RECQL5: variants seen among roughly 807,000 people sequenced by gnomAD.
RECQL5 encodes RecQ like helicase 5, also known as ATP-dependent DNA helicase Q5.
A neutral mutation model predicts 103.4 loss-of-function variants in RECQL5; 88 were observed. The ratio of observed to expected loss-of-function variants is 0.85; its 90% CI spans 0.72 to 1.02. RECQL5 has a LOEUF of 1.02. RECQL5 is among the 50% of genes least tolerant of loss of function. RECQL5 has a pLI of 0.00. For missense variants in RECQL5, 1,232 were observed against 1,284.3 expected (o/e 0.96, Z 0.62); for synonymous variants, 552 against 507.9 (o/e 1.09, Z -1.17).
At chr17:75,656,947 T>C (rs1327532013) in intron 7 of RECQL5, among the ~76,000 whole-genome samples, 2 of 152,134 alleles carry the variant, frequency 1.3e-5, no homozygotes, top group East Asian at 1.9e-4. Flanking sequence ...GGTTTCACCG[T>C]GTTAGTCAGG....
At chr17:75,645,406 G>C (rs1193271597) in intron 8 of RECQL5, among the ~76,000 whole-genome samples, 1 of 152,130 alleles carries the variant, frequency 6.6e-6, no homozygotes, top group Admixed American at 6.5e-5. Flanking sequence ...TGATGACCTC[G>C]GCTAAGTTAT....
At chr17:75,635,746 A>G (rs1347051848) in intron 8 of RECQL5, 1 of 978,056 alleles carries the variant, frequency 1.0e-6, no homozygotes, top group Admixed American at 6.1e-5. Flanking sequence ...AAAACCCACC[A>G]TGACGAAACA....
intron 7 of RECQL5, among the ~76,000 whole-genome samples, chr17:75,656,801 G>C (rs12103452): frequency 6.9e-6 from 1 of 144,618 alleles, no homozygotes; most frequent in African/African-American, 2.6e-5. Context: ...CTGGAGTGCA[G>C]AGGCGTGATC....
At chr17:75,628,071 C>G (rs1372200210) in intron 18 of RECQL5, 147 bp downstream of exon 18, 3 of 711,612 alleles carry the variant, frequency 4.2e-6, no homozygotes, top group Admixed American at 4.5e-5. Flanking sequence ...GGCCATGACC[C>G]AACGGCAAGG....
rs756438891 is a variant in RECQL5 at position 75,629,489 on chromosome 17, C to G, written c.1948-14G>C. 1.3e-6 allele frequency: 2 copies of G among 1,500,646 alleles called. No individual in the cohort carries two copies. The highest frequency in any genetic ancestry group is 1.8e-4 in the Middle Eastern group (1 of 5,530). 93.0% of individuals were successfully genotyped at this position (1,500,646 alleles called of 1,614,324 possible). On this transcript the variant is annotated splice_polypyrimidine_tract_variant and intron_variant, in intron 15 of 19. Coordinates refer to ENST00000317905, the MANE Select transcript of RECQL5 (RefSeq NM_004259.7). The stretch of plus-strand genomic sequence containing the variant: ...CTTGGGTTTGAGCTGTAAATGTGAG[C>G]AGGAGGAGAGGAGGTTCAGCCCACT...
Position 75,666,441 on chromosome 17 carries a change from C to T in RECQL5, c.117G>A (p.Met39Ile). Reference protein sequence around the residue: ...FKTPLQESATMAVVKGNKDVF... With the variant: ...FKTPLQESATIAVVKGNKDVF... ...TGGTAATGTTACCTTTTACTACAGC[C>T]ATGGTCGCACTCTCCTGTAAAGGCG... Residue 39 changes from methionine to isoleucine, a missense_variant, in exon 2 of 20, where the codon ATG becomes ATA. By Grantham distance (10) the Met-to-Ile change is conservative. Coordinates refer to ENST00000317905, the MANE Select transcript of RECQL5 (RefSeq NM_004259.7). 1 of 1,613,968 alleles carries T rather than the reference C, an allele frequency of 6.2e-7. No individual in the cohort carries two copies. Among genetic ancestry groups the T allele is most frequent in the Non-Finnish European group, 8.5e-7 (1 of 1,179,978 alleles).
chr17:75,649,725 A>T (rs189167993), intron 8 of RECQL5: 1 of 985,510 alleles, frequency 1.0e-6, no homozygotes, highest in East Asian at 1.1e-4. Context: ...ACATACCAGC[A>T]GCGTTTATTC....
chr17:75,658,388 A>G lies in RECQL5; in HGVS notation c.1059T>C (p.Asp353=). 1 of 1,614,058 alleles carries G rather than the reference A, an allele frequency of 6.2e-7. No homozygotes were observed. The highest frequency in any genetic ancestry group is 8.5e-7 in the Non-Finnish European group (1 of 1,179,970). Residue 353 remains aspartate (D), a synonymous_variant, in exon 7 of 20, where the codon GAT becomes GAC. Transcript: ENST00000317905. ...YYQESGRAGR[D]GKPSWCRLYY... ...AGAGACGGCACCAGGAAGGCTTCCC[A>G]TCCCTGCCAGCCCGGCCAGACTCCT...
chr17:75,660,713 G>A (rs533077691), intron 6 of RECQL5, among the ~76,000 whole-genome samples: 40 of 152,364 alleles, frequency 2.6e-4, no homozygotes, highest in African/African-American at 9.6e-4. Context: ...TAAAGGACAA[G>A]CCTGACAGAC....
intron 8 of RECQL5, chr17:75,647,674 T>C (rs1414404858): frequency 1.9e-6 from 2 of 1,056,006 alleles, no homozygotes; most frequent in Non-Finnish European, 2.8e-6. Flanking sequence ...CAAGCCCTGG[T>C]GTCTTCCTTT....
chr17:75,662,437 C>T (rs1002180620), intron 4 of RECQL5, 42 bp downstream of exon 4: 3 of 1,590,626 alleles, frequency 1.9e-6, no homozygotes, highest in African/African-American at 2.7e-5. Flanking sequence ...CATCGCACCC[C>T]ACTGCTCTAA....
intron 8 of RECQL5, chr17:75,650,211 C>T (rs1375705230): frequency 1.0e-6 from 1 of 989,848 alleles, no homozygotes; most frequent in Non-Finnish European, 1.2e-6. Flanking sequence ...GTGGTCCTGG[C>T]ACTGCAGCCG....
At chr17:75,627,587 C>CA (rs2059120194) in intron 19 of RECQL5, 36 bp downstream of exon 19, 1 of 1,613,366 alleles carries the variant, frequency 6.2e-7, no homozygotes, top group African/African-American at 1.3e-5. Context: ...ACCACCCTCC[C>CA]AAGTGCCTCC....
Position 75,627,201 on chromosome 17 carries a change from A to G in RECQL5, c.*221T>C, listed in dbSNP as rs73995937. The G allele has an allele frequency of 3.3e-3, 2,185 of 656,388 alleles. 32 individuals are homozygous for G. The highest frequency in any genetic ancestry group is 0.033 in the African/African-American group (1,831 of 56,152). The allele number at this position is 656,388 out of a possible 1,614,324, so 40.7% of individuals were successfully genotyped here. A position where few individuals can be genotyped will look rare whatever the true frequency, so the allele number is the denominator to read the frequency against. On this transcript the variant is annotated 3_prime_UTR_variant, in exon 20 of 20. Coordinates refer to ENST00000317905, the MANE Select transcript of RECQL5 (RefSeq NM_004259.7). ...TGTCCCAGAAAACCCAGCCATGAGG[A>G]CCGCTCTGAGAAGGGTCTATAGGCT...
intron 8 of RECQL5, among the ~76,000 whole-genome samples, chr17:75,645,908 C>T (rs976822628): frequency 2.0e-5 from 3 of 152,194 alleles, no homozygotes; most frequent in Non-Finnish European, 2.9e-5. Flanking sequence ...GATAAGCACC[C>T]GAGGGCTAGA....
intron 5 of RECQL5, 116 bp downstream of exon 5, chr17:75,661,490 C>T: frequency 2.8e-6 from 2 of 726,852 alleles, no homozygotes; most frequent in Non-Finnish European, 4.9e-6. Flanking sequence ...TTAGCTCTGC[C>T]TGAGTATCTG....
chr17:75,640,782 G>T lies in RECQL5; in HGVS notation c.1230-9114C>A. 6.5e-7 allele frequency: 1 copy of T among 1,549,478 alleles called. No homozygotes were observed. On this transcript the variant is annotated intron_variant, in intron 8 of 19. Transcript: ENST00000317905. This position sits in a 1 kb window ranked among gnomAD's most constrained non-coding sequence, Gnocchi z 4.6. ...AACCTGAGTCCCGTGCTCTCTCCCG[G>T]CCCTCCAGCTACTGTTCTGCTGTTG...
At chr17:75,661,294 T>C (rs1157719657) in intron 5 of RECQL5, among the ~76,000 whole-genome samples, 2 of 152,194 alleles carry the variant, frequency 1.3e-5, no homozygotes, top group East Asian at 3.9e-4. Context: ...GTTAGGGCCA[T>C]GATTCAAGCC....
Position 75,629,022 on chromosome 17 carries a change from G to T in RECQL5, c.2401C>A (p.Pro801Thr). 1 of 1,582,656 alleles carries T rather than the reference G, an allele frequency of 6.3e-7. No individual in the cohort carries two copies. Among genetic ancestry groups the T allele is most frequent in the Non-Finnish European group, 8.6e-7 (1 of 1,165,568 alleles). Reference sequence around the variant, plus strand: ...TCTTCCTCCCCTGTGTACTTCTCTGGGGCCATCGGGGGTCCCTGAACCCCC... The same window carrying T: ...TCTTCCTCCCCTGTGTACTTCTCTGTGGCCATCGGGGGTCCCTGAACCCCC... ...CEGVQGPPMA[P>T]EKYTGEEDGA... The change falls in exon 16 of 20, where the codon CCA (proline) becomes ACA (threonine). Residue 801 changes from proline to threonine, a missense_variant. Coordinates refer to ENST00000317905, the MANE Select transcript of RECQL5 (RefSeq NM_004259.7).
Sources: allele counts gnomAD v4.1 joint callset (sites outside exome capture counted in the v4.1 genomes callset), GRCh38; gene constraint gnomAD v4.1.1; non-coding constraint Gnocchi (gnomAD v3.1); transcripts MANE v1.5; gene names NCBI Gene and HGNC (gene_info 2026-07-23, HGNC 2026-07-21).